RILPL2: variants seen among roughly 807,000 people sequenced by gnomAD.
RILPL2 encodes the protein RILP-like protein 2.
A neutral mutation model predicts 22.2 loss-of-function variants in RILPL2; 19 were observed. The ratio of observed to expected loss-of-function variants is 0.86; its 90% CI spans 0.60 to 1.25. The LOEUF (loss-of-function observed/expected upper bound fraction) is 1.25. Among genes scored for constraint, RILPL2 ranks in the 50% most tolerant of loss-of-function variants. The pLI is 0.00. For synonymous variants in RILPL2, 123 were observed against 111.6 expected (o/e 1.10, Z -0.64); for missense variants, 243 against 263.6 (o/e 0.92, Z 0.54).
At position 123,428,491 on chromosome 12, in the gene RILPL2, A is replaced by G. The variant is rs374447426; in HGVS notation, c.491+2017T>C. Among the ~76,000 whole-genome samples, 19 of 152,358 alleles carry G rather than the reference A, an allele frequency of 1.2e-4. No individual in the cohort carries two copies. The South Asian group carries it at 2.7e-3, about 22-fold the overall frequency. Reference sequence around the variant, plus strand: ...TTTCCATGAACACGGTTCCAACCTCAGCAAAAGGGAGACAATAAATGTGGG... The same window carrying G: ...TTTCCATGAACACGGTTCCAACCTCGGCAAAAGGGAGACAATAAATGTGGG... On this transcript the variant is annotated intron_variant, in intron 2 of 3. Coordinates refer to ENST00000280571, the MANE Select transcript of RILPL2 (RefSeq NM_145058.3).
the RILPL2 span, among the ~76,000 whole-genome samples, chr12:123,410,005 C>T: frequency 1.7e-4 from 26 of 152,058 alleles, no homozygotes; most frequent in Admixed American, 3.3e-4. Flanking sequence ...GGATTACAGG[C>T]GTGAGCCACT....
At chr12:123,429,546 C>T (rs942280548) in intron 2 of RILPL2, among the ~76,000 whole-genome samples, 27 of 151,984 alleles carry the variant, frequency 1.8e-4, no homozygotes, top group African/African-American at 2.9e-4. Context: ...CTGCCCGCCT[C>T]GGCCTCCCAA....
In RILPL2 at chr12:123,431,832, A is replaced by AC. The variant is rs1879660777; in HGVS notation, c.340-1174_340-1173insG. On this transcript the variant is annotated intron_variant, in intron 1 of 3. Transcript: ENST00000280571. ...CAGAGCGAAACTCCATCTCAAAAAA[A>AC]AAAAAAAAATTTAAGATGGTAAATT... Among the ~76,000 whole-genome samples, 5 of 151,930 alleles carry AC rather than the reference A, an allele frequency of 3.3e-5. No homozygotes were observed. The Middle Eastern group carries it at 0.014, about 416-fold the overall frequency.
chr12:123,421,244 A>G (rs776644061), intron 3 of RILPL2, among the ~76,000 whole-genome samples: 54 of 151,980 alleles, frequency 3.6e-4, no homozygotes, highest in Non-Finnish European at 7.1e-4. Context: ...GGGTTTCACC[A>G]TGTTGGCCAG....
chr12:123,426,732 G>T (rs1380370103), intron 2 of RILPL2, among the ~76,000 whole-genome samples: 1 of 151,746 alleles, frequency 6.6e-6, no homozygotes, highest in Non-Finnish European at 1.5e-5. Context: ...CTCCCGAGTA[G>T]CTGGGACTAC....
chr12:123,431,497 G>T (rs1430959073), intron 1 of RILPL2, among the ~76,000 whole-genome samples: 2 of 152,110 alleles, frequency 1.3e-5, no homozygotes, highest in Non-Finnish European at 2.9e-5. Context: ...ACAACAGCGT[G>T]AATGGACATG....
intron 2 of RILPL2, among the ~76,000 whole-genome samples, chr12:123,429,587 C>T (rs1256193782): frequency 6.6e-6 from 1 of 151,870 alleles, no homozygotes; most frequent in Non-Finnish European, 1.5e-5. Context: ...GCCACCATCC[C>T]CAGTCGTTTT....
At chr12:123,432,475 C>T (rs1879679580) in intron 1 of RILPL2, among the ~76,000 whole-genome samples, 1 of 152,178 alleles carries the variant, frequency 6.6e-6, no homozygotes, top group Non-Finnish European at 1.5e-5. Flanking sequence ...CACTGCACGC[C>T]AGCCTGGGTG....
downstream of RILPL2, among the ~76,000 whole-genome samples, chr12:123,410,264 C>T (rs1878931703): frequency 6.6e-6 from 1 of 152,176 alleles, no homozygotes; most frequent in Non-Finnish European, 1.5e-5. Context: ...TCTCAGGAGG[C>T]TCTGAATCAT....
chr12:123,419,704 C>A (rs1270778192), intron 3 of RILPL2, among the ~76,000 whole-genome samples: 1 of 148,922 alleles, frequency 6.7e-6, no homozygotes, highest in Non-Finnish European at 1.5e-5. Context: ...CTCCCAGGTT[C>A]AAGTGATTAT....
chr12:123,415,654 G>C lies in RILPL2; in HGVS notation c.*237C>G. 1 of 628,096 alleles carries C rather than the reference G, an allele frequency of 1.6e-6. No individual in the cohort carries two copies. The highest frequency in any genetic ancestry group is 2.9e-6 in the Non-Finnish European group (1 of 350,788). 38.9% of individuals were successfully genotyped at this position (628,096 alleles called of 1,614,324 possible). ...CCCCCCCACCCTGCACATCCCTTCTGTTTTTCTTGATTTCAGTCTCACTGG... is the reference window on the plus strand; with the variant it reads ...CCCCCCCACCCTGCACATCCCTTCTCTTTTTCTTGATTTCAGTCTCACTGG... On this transcript the variant is annotated 3_prime_UTR_variant, in exon 4 of 4. Transcript: ENST00000280571.
chr12:123,427,618 T>C (rs1469383544), intron 2 of RILPL2, among the ~76,000 whole-genome samples: 1 of 151,938 alleles, frequency 6.6e-6, no homozygotes, highest in African/African-American at 2.4e-5. Flanking sequence ...CTCAGCTCAC[T>C]GCAACCTGCG....
At chr12:123,413,160 C>G (rs563336150), downstream of RILPL2, 2 of 155,212 alleles carry the variant, frequency 1.3e-5, no homozygotes, top group African/African-American at 2.4e-5. Context: ...GGTGCCACTG[C>G]ACTCCAGCCT....
At chr12:123,423,346 C>A (rs546500022) in intron 2 of RILPL2, among the ~76,000 whole-genome samples, 189 bp from the exon 3 acceptor site, 1 of 151,498 alleles carries the variant, frequency 6.6e-6, no homozygotes, top group South Asian at 2.1e-4. Flanking sequence ...GGACTACAGG[C>A]GCCTGCCACC....
downstream of RILPL2, chr12:123,413,919 C>T (rs1334991012): frequency 1.3e-5 from 2 of 152,298 alleles, no homozygotes; most frequent in South Asian, 2.1e-4. Flanking sequence ...CTGAGCTAGA[C>T]ACAGGGTGCT....
At chr12:123,413,713 A>T (rs1349710773), downstream of RILPL2, 24 of 152,186 alleles carry the variant, frequency 1.6e-4, no homozygotes, top group Admixed American at 1.4e-3. Flanking sequence ...GGCCCCACCC[A>T]CATCCTGCTG....
intron 2 of RILPL2, among the ~76,000 whole-genome samples, chr12:123,426,550 T>G (rs563087390): frequency 1.3e-5 from 2 of 152,340 alleles, no homozygotes; most frequent in Admixed American, 1.3e-4. Flanking sequence ...AAATTAAACT[T>G]GGTGACTAAA....
At chr12:123,435,939 G>C in intron 1 of RILPL2, 143 bp downstream of exon 1, 1 of 1,243,312 alleles carries the variant, frequency 8.0e-7, no homozygotes, top group Non-Finnish European at 1.1e-6. Context: ...ACCAGCCTGG[G>C]CAACACAGCG....
chr12:123,418,748 TTTTC>T (rs1235280717), intron 3 of RILPL2, among the ~76,000 whole-genome samples: 6 of 146,724 alleles, frequency 4.1e-5, no homozygotes, highest in East Asian at 4.1e-4. Context: ...TTCTTTTTCT[TTTTC>T]TTTCTTTTTT....
Sources: allele counts gnomAD v4.1 joint callset (sites outside exome capture counted in the v4.1 genomes callset), GRCh38; gene constraint gnomAD v4.1.1; transcripts MANE v1.5; gene names NCBI Gene and HGNC (gene_info 2026-07-23, HGNC 2026-07-21).